Variants in ADAMTSL1 observed in about 807,000 individuals in gnomAD.
ADAMTSL1 encodes the protein ADAMTS like 1.
In ADAMTSL1, 126 loss-of-function variants were observed where a neutral mutation model predicts 201.8. The observed-to-expected ratio is 0.62, with a 90% CI of 0.54 to 0.72. ADAMTSL1 has a LOEUF of 0.72. Ranked by LOEUF, ADAMTSL1 falls within the 30% of genes least tolerant of loss-of-function variation. ADAMTSL1 has a pLI of 0.00. For synonymous variants in ADAMTSL1, 1,121 were observed against 903.4 expected (o/e 1.24, Z -4.32); for missense variants, 2,679 against 2,277.8 (o/e 1.18, Z -3.59).
chr9:18,340,986 T>C (rs1835443255), intron 2 of ADAMTSL1, among the ~76,000 whole-genome samples: 1 of 152,124 alleles, frequency 6.6e-6, no homozygotes, highest in African/African-American at 2.4e-5. Flanking sequence ...CCTAGACCAT[T>C]AGCCTAGACC....
intron 5 of ADAMTSL1, among the ~76,000 whole-genome samples, chr9:18,630,239 C>G (rs1283983178): frequency 6.6e-6 from 1 of 152,146 alleles, no homozygotes; most frequent in East Asian, 1.9e-4. Flanking sequence ...GAGTAGACTA[C>G]TTAATGTTCC....
chr9:18,431,802 T>C (rs1238379563), intron 2 of ADAMTSL1, among the ~76,000 whole-genome samples: 3 of 152,124 alleles, frequency 2.0e-5, no homozygotes, highest in Non-Finnish European at 4.4e-5. Context: ...AAGATCCTTG[T>C]AAAAATGTGA....
intron 2 of ADAMTSL1, among the ~76,000 whole-genome samples, chr9:18,177,246 T>C (rs79557585): frequency 0.031 from 4,675 of 152,274 alleles, 117 homozygotes; most frequent in Middle Eastern, 0.086. Context: ...GGAGAATGTG[T>C]ATAGGAAGCT....
chr9:18,823,688 T>C (rs1239134982), intron 21 of ADAMTSL1, among the ~76,000 whole-genome samples: 4 of 152,024 alleles, frequency 2.6e-5, no homozygotes, highest in African/African-American at 9.7e-5. Context: ...GGATGAATAA[T>C]GGTAGAAAAT....
intron 2 of ADAMTSL1, among the ~76,000 whole-genome samples, chr9:18,517,203 T>G (rs762013810): frequency 1.3e-5 from 2 of 152,198 alleles, no homozygotes; most frequent in Non-Finnish European, 2.9e-5. Context: ...ATAAAGTGCA[T>G]GTCCTTCTTG....
intron 2 of ADAMTSL1, among the ~76,000 whole-genome samples, chr9:18,172,990 G>C (rs939115219): frequency 1.3e-5 from 2 of 152,066 alleles, no homozygotes; most frequent in Admixed American, 6.6e-5. Flanking sequence ...AGGCAGAGGA[G>C]GACAGATAAT....
chr9:17,968,516 T>A (rs1434531340), intron 1 of ADAMTSL1, among the ~76,000 whole-genome samples: 1 of 152,096 alleles, frequency 6.6e-6, no homozygotes, highest in Non-Finnish European at 1.5e-5. Flanking sequence ...GATTGATGAG[T>A]GTGCATTGTT....
intron 2 of ADAMTSL1, among the ~76,000 whole-genome samples, chr9:18,467,477 G>A (rs1821051381): frequency 1.3e-5 from 2 of 151,956 alleles, no homozygotes; most frequent in South Asian, 4.2e-4. Flanking sequence ...AAAACAATGG[G>A]AAAGACTTTT....
intron 2 of ADAMTSL1, among the ~76,000 whole-genome samples, chr9:18,368,082 T>A (rs1166159578): frequency 1.3e-5 from 2 of 150,410 alleles, no homozygotes; most frequent in African/African-American, 4.9e-5. Context: ...TTTTTTTTAA[T>A]TTTTTTTTAT....
intron 1 of ADAMTSL1, among the ~76,000 whole-genome samples, chr9:18,113,074 C>G (rs1825099468): frequency 6.6e-6 from 1 of 151,972 alleles, no homozygotes; most frequent in South Asian, 2.1e-4. Context: ...AGGAGTGGGG[C>G]AGTATGTATG....
chr9:18,598,395 T>C (rs549412730), intron 4 of ADAMTSL1, among the ~76,000 whole-genome samples: 5 of 152,294 alleles, frequency 3.3e-5, no homozygotes, highest in Admixed American at 3.3e-4. Flanking sequence ...GTGAGAATGC[T>C]TTTTATGTGT....
intron 3 of ADAMTSL1, among the ~76,000 whole-genome samples, chr9:18,542,115 A>G (rs1268372071): frequency 1.3e-5 from 2 of 152,154 alleles, no homozygotes; most frequent in African/African-American, 2.4e-5. Flanking sequence ...TTTTTATTCT[A>G]TATGCTTTTA....
At chr9:18,345,012 C>T (rs1835637700) in intron 2 of ADAMTSL1, among the ~76,000 whole-genome samples, 1 of 152,134 alleles carries the variant, frequency 6.6e-6, no homozygotes, top group Non-Finnish European at 1.5e-5. Flanking sequence ...TTCCGACAAA[C>T]ATGAGAGTGG....
intron 21 of ADAMTSL1, among the ~76,000 whole-genome samples, chr9:18,823,434 T>C (rs1046800715): frequency 6.6e-6 from 1 of 152,130 alleles, no homozygotes; most frequent in South Asian, 2.1e-4. Context: ...CGGCATGAGA[T>C]AGACAGACAT....
At chr9:18,613,336 A>G (rs1825499002) in intron 4 of ADAMTSL1, among the ~76,000 whole-genome samples, 1 of 152,214 alleles carries the variant, frequency 6.6e-6, no homozygotes, top group Non-Finnish European at 1.5e-5. Flanking sequence ...CAGAAATACT[A>G]TTTGGCCCAG....
Position 18,574,050 on chromosome 9 carries a change from T to C in ADAMTSL1, c.258T>C (p.Gly86=). ...TCCAGGACTGCCCACCAGAAGCAGG[T>C]GATTTCCGAGCTCAGCAATGCTCAG... ...CSNVDCPPEA[G]DFRAQQCSAH... is the part of the protein sequence containing the mutation. The change falls in exon 4 of 29, where the codon GGT becomes GGC. Residue 86 remains glycine, a synonymous_variant. Coordinates refer to ENST00000380548, the MANE Select transcript of ADAMTSL1 (RefSeq NM_001040272.6). 1.2e-6 allele frequency: 2 copies of C among 1,613,538 alleles called. No individual in the cohort carries two copies. Among genetic ancestry groups the C allele is most frequent in the Non-Finnish European group, 8.5e-7 (1 of 1,179,602 alleles).
chr9:18,342,215 T>C (rs565180878), intron 2 of ADAMTSL1, among the ~76,000 whole-genome samples: 130 of 152,298 alleles, frequency 8.5e-4, no homozygotes, highest in Non-Finnish European at 5.4e-4. Context: ...CCCAGTGAAA[T>C]TGCAAGCTGA....
chr9:18,333,510 A>T (rs1039824381), intron 2 of ADAMTSL1, among the ~76,000 whole-genome samples: 2 of 152,198 alleles, frequency 1.3e-5, no homozygotes, highest in Non-Finnish European at 2.9e-5. Flanking sequence ...GTGTTTCCTT[A>T]TAGTGGCATG....
At chr9:18,086,565 G>A (rs935551884) in intron 1 of ADAMTSL1, among the ~76,000 whole-genome samples, 8 of 152,176 alleles carry the variant, frequency 5.3e-5, no homozygotes, top group African/African-American at 1.9e-4. Context: ...GTTTATTGCT[G>A]TAAAAATAAA....
Sources: allele counts gnomAD v4.1 joint callset (sites outside exome capture counted in the v4.1 genomes callset), GRCh38; gene constraint gnomAD v4.1.1; transcripts MANE v1.5; gene names NCBI Gene and HGNC (gene_info 2026-07-23, HGNC 2026-07-21).